The following MAGI2 variants were observed in gnomAD, a reference collection of about 807,000 sequenced individuals.
MAGI2 encodes membrane associated guanylate kinase, WW and PDZ domain containing 2.
MAGI2 carries 35 observed loss-of-function variants against 133.3 expected under a neutral mutation model. That is an observed-to-expected ratio of 0.26 (90% CI 0.20 to 0.35). The LOEUF is 0.35. Among genes scored for constraint, MAGI2 ranks in the 10% least tolerant of loss-of-function variants. The probability of loss-of-function intolerance (pLI) is 1.00; values close to 1 mark genes in which losing one functional copy is unlikely to be tolerated. For missense variants in MAGI2, 1,636 were observed against 1,863.4 expected, an observed-to-expected ratio of 0.88 and a Z score of 2.25; for synonymous variants, 729 against 710.6, an observed-to-expected ratio of 1.03 and a Z score of -0.41.
chr7:79,145,645 A>C (rs1328862252), intron 1 of MAGI2, among the ~76,000 whole-genome samples: 2 of 152,160 alleles, frequency 1.3e-5, no homozygotes, highest in Non-Finnish European at 2.9e-5. Context: ...GCTCGTGTTC[A>C]CATTGTCTGT....
chr7:78,764,786 C>T (rs548649465), intron 2 of MAGI2, among the ~76,000 whole-genome samples: 7 of 152,304 alleles, frequency 4.6e-5, no homozygotes, highest in East Asian at 1.9e-4. Flanking sequence ...AGGCAAGCTT[C>T]GTGCTATGTT....
chr7:78,044,215 C>T (rs1811159340), intron 21 of MAGI2, among the ~76,000 whole-genome samples: 1 of 152,198 alleles, frequency 6.6e-6, no homozygotes. Context: ...ATAGCATTCT[C>T]TCACTTTTTA....
intron 1 of MAGI2, among the ~76,000 whole-genome samples, chr7:79,231,963 G>A (rs574850231): frequency 5.3e-5 from 8 of 152,132 alleles, no homozygotes; most frequent in Non-Finnish European, 7.3e-5. Context: ...TTTGAGATAC[G>A]TCCCATCGAT....
At chr7:78,449,254 G>A (rs1788470759) in intron 6 of MAGI2, among the ~76,000 whole-genome samples, 1 of 151,970 alleles carries the variant, frequency 6.6e-6, no homozygotes. Context: ...CTGTATGTTT[G>A]AGCCCAGAAG....
chr7:78,115,049 C>A (rs1317228841), intron 20 of MAGI2, among the ~76,000 whole-genome samples: 1 of 152,104 alleles, frequency 6.6e-6, no homozygotes, highest in African/African-American at 2.4e-5. Flanking sequence ...CTTACCATTG[C>A]TGAATAGGGA....
chr7:79,228,656 C>A (rs141470080), intron 1 of MAGI2, among the ~76,000 whole-genome samples: 88 of 152,032 alleles, frequency 5.8e-4, no homozygotes, highest in African/African-American at 2.0e-3. Context: ...TGCATAGAAG[C>A]GTAAGTCAGA....
At chr7:78,179,312 G>A (rs1336692346) in intron 13 of MAGI2, among the ~76,000 whole-genome samples, 1 of 152,210 alleles carries the variant, frequency 6.6e-6, no homozygotes, top group African/African-American at 2.4e-5. Context: ...ATCTATGTCT[G>A]AGCCACATGA....
chr7:79,154,534 G>A (rs1041688802), intron 1 of MAGI2, among the ~76,000 whole-genome samples: 6 of 152,216 alleles, frequency 3.9e-5, no homozygotes, highest in Admixed American at 1.3e-4. Context: ...ACCAGTGTTG[G>A]TTTCAAGAAA....
At chr7:78,103,012 G>C (rs1818340669) in intron 20 of MAGI2, among the ~76,000 whole-genome samples, 3 of 152,122 alleles carry the variant, frequency 2.0e-5, no homozygotes, top group Non-Finnish European at 4.4e-5. Context: ...CTTCTGTCCT[G>C]TTCTATGAGA....
At chr7:78,148,069 C>A (rs1314184653) in intron 16 of MAGI2, among the ~76,000 whole-genome samples, 1 of 152,066 alleles carries the variant, frequency 6.6e-6, no homozygotes, top group Non-Finnish European at 1.5e-5. Flanking sequence ...AATTTCCACA[C>A]ACAAAAAGAC....
intron 2 of MAGI2, among the ~76,000 whole-genome samples, chr7:78,885,034 T>C (rs947803186): frequency 6.6e-6 from 1 of 152,148 alleles, no homozygotes; most frequent in African/African-American, 2.4e-5. Context: ...GAGGCCATCA[T>C]CCTAAATGAC....
intron 18 of MAGI2, among the ~76,000 whole-genome samples, chr7:78,127,918 G>T (rs549650637): frequency 2.0e-5 from 3 of 152,042 alleles, no homozygotes; most frequent in African/African-American, 7.2e-5. Context: ...ACAATCAAAG[G>T]CTATTTTAAC....
chr7:78,612,616 G>A (rs549838987), intron 3 of MAGI2, among the ~76,000 whole-genome samples: 10 of 152,102 alleles, frequency 6.6e-5, no homozygotes, highest in Admixed American at 5.2e-4. Context: ...TCTCATTAAC[G>A]GAATAAGGAT....
At position 78,429,521 on chromosome 7, in the gene MAGI2, G is replaced by A. The variant is rs554001740; in HGVS notation, c.1045+60240C>T. The stretch of plus-strand genomic sequence containing the variant: ...TGAGAAGCTAATAGACTGATAAAGG[G>A]ATTAAACCCACAGCCTTGGCCTCAT... On this transcript the variant is annotated intron_variant, in intron 6 of 21. Coordinates refer to ENST00000354212, the MANE Select transcript of MAGI2 (RefSeq NM_012301.4). Among the ~76,000 whole-genome samples the A allele has an allele frequency of 2.3e-3, 355 of 152,056 alleles. 9 individuals carry two copies. Among genetic ancestry groups the A allele is most frequent in the African/African-American group, 2.0e-3 (83 of 41,484 alleles).
intron 1 of MAGI2, among the ~76,000 whole-genome samples, chr7:79,432,519 T>C (rs1563218716): frequency 6.6e-6 from 1 of 152,200 alleles, no homozygotes; most frequent in East Asian, 1.9e-4. Context: ...GAGCTGCTCA[T>C]AATATTTGGG....
Position 78,665,832 on chromosome 7 carries a change from A to G in MAGI2, c.419-38593T>C, listed in dbSNP as rs73701653. On this transcript the variant is annotated intron_variant, in intron 2 of 21. Coordinates refer to ENST00000354212, the MANE Select transcript of MAGI2 (RefSeq NM_012301.4). ...CTAATCTTTGTTGAACAACTATTAT[A>G]TGCCAGGCACGTCTCTAAATGCTAG... 7.3e-3 allele frequency among the ~76,000 whole-genome samples: 1,116 copies of G among 152,286 alleles called. 20 individuals carry two copies. The highest frequency in any genetic ancestry group is 0.026 in the African/African-American group (1,072 of 41,578).
intron 20 of MAGI2, among the ~76,000 whole-genome samples, chr7:78,085,575 CACACACAA>C (rs767580724): frequency 1.3e-4 from 18 of 143,292 alleles, no homozygotes; most frequent in African/African-American, 4.9e-4. Flanking sequence ...CACACACACA[CACACACAA>C]ACAAAACAAA....
intron 2 of MAGI2, among the ~76,000 whole-genome samples, chr7:78,739,863 G>A (rs9656182): frequency 6.6e-6 from 1 of 152,044 alleles, no homozygotes; most frequent in Non-Finnish European, 1.5e-5. Flanking sequence ...CTTAGTAAGC[G>A]TGTATGATAA....
chr7:78,168,341 C>A (rs938635937), intron 14 of MAGI2, among the ~76,000 whole-genome samples: 1 of 152,074 alleles, frequency 6.6e-6, no homozygotes, highest in African/African-American at 2.4e-5. Flanking sequence ...CAAATCTGAG[C>A]ATGCACTTGT....
Sources: gnomAD v4.1 joint callset for allele counts (sites outside exome capture counted in the v4.1 genomes callset) on GRCh38, gnomAD v4.1.1 for gene constraint, MANE v1.5 for transcripts, NCBI Gene and HGNC (gene_info 2026-07-23, HGNC 2026-07-21) for gene names.